Variants in UBA3 observed in about 807,000 individuals in gnomAD.
UBA3 encodes the protein NEDD8-activating enzyme E1 catalytic subunit.
In UBA3, 26 loss-of-function variants were observed where a neutral mutation model predicts 73.5. The ratio of observed to expected loss-of-function variants is 0.35; its 90% CI spans 0.26 to 0.49. The LOEUF is 0.49. Ranked by LOEUF, UBA3 falls within the 20% of genes least tolerant of loss-of-function variation. The pLI is 0.98. For synonymous variants in UBA3, 217 were observed against 191.2 expected (o/e 1.13, Z -1.11); for missense variants, 495 against 555.6 (o/e 0.89, Z 1.10).
chr3:69,061,690 A>T (rs144039938), intron 11 of UBA3, 124 bp downstream of exon 11: 3 of 576,226 alleles, frequency 5.2e-6, no homozygotes, highest in African/African-American at 1.9e-5. Context: ...TATGAATTAC[A>T]TGGTACCTTT....
chr3:69,073,436 T>C (rs78084632), intron 4 of UBA3, among the ~76,000 whole-genome samples: 2,801 of 152,278 alleles, frequency 0.018, 27 homozygotes, highest in Non-Finnish European at 0.028. Flanking sequence ...TTGTACTCAA[T>C]AGCACCTTTT....
Position 69,077,811 on chromosome 3 carries a change from T to G in UBA3, c.170A>C (p.Glu57Ala). ...RSGPFTHPDF[E>A]PSTESLQFLL... ...AACGTTTCTCACTTCAGTGCTCGGT[T>G]CGAAATCAGGGTGTGTGAAGGGTCC... is the stretch of plus-strand genomic sequence containing the variant. Residue 57 changes from glutamate (E) to alanine (A), a missense_variant, in exon 3 of 18, where the codon GAA becomes GCA. Glu to Ala is a moderately radical substitution (Grantham distance 107, BLOSUM62 -1). Transcript: ENST00000361055. The G allele has an allele frequency of 6.2e-7, 1 of 1,613,302 alleles. No homozygotes were observed. The highest frequency in any genetic ancestry group is 8.5e-7 in the Non-Finnish European group (1 of 1,179,556).
chr3:69,070,083 A>G (rs1327239840), intron 5 of UBA3, among the ~76,000 whole-genome samples: 1 of 152,206 alleles, frequency 6.6e-6, no homozygotes, highest in Non-Finnish European at 1.5e-5. Flanking sequence ...AGTACTTGCT[A>G]CATATCGTTA....
At chr3:69,074,745 GA>G (rs1300834787) in intron 4 of UBA3, among the ~76,000 whole-genome samples, 1 of 152,100 alleles carries the variant, frequency 6.6e-6, no homozygotes, top group African/African-American at 2.4e-5. Context: ...TTTGTGATTA[GA>G]AAAAGTCAAG....
intron 5 of UBA3, among the ~76,000 whole-genome samples, chr3:69,069,896 G>C (rs1411498878): frequency 6.6e-6 from 1 of 152,122 alleles, no homozygotes; most frequent in Non-Finnish European, 1.5e-5. Flanking sequence ...ATGGTTTCTG[G>C]GAACTGTTTG....
chr3:69,058,811 A>G (rs1384599100), intron 11 of UBA3, among the ~76,000 whole-genome samples: 1 of 152,228 alleles, frequency 6.6e-6, no homozygotes, highest in Non-Finnish European at 1.5e-5. Context: ...GGGAAAAATC[A>G]TAGAATAGAT....
At chr3:69,063,639 G>C in intron 7 of UBA3, 136 bp from the exon 8 acceptor site, 1 of 736,524 alleles carries the variant, frequency 1.4e-6, no homozygotes, top group Non-Finnish European at 2.1e-6. Context: ...GTGTTTGTGG[G>C]AACAGGAAGC....
intron 6 of UBA3, among the ~76,000 whole-genome samples, chr3:69,066,783 T>G (rs954409325): frequency 6.6e-6 from 1 of 152,186 alleles, no homozygotes; most frequent in African/African-American, 2.4e-5. Context: ...TAATTTTGTA[T>G]GTTTAGGTCA....
rs866832294 is a variant in UBA3, at chr3:69,063,624, G to A, written c.473-121C>T. On this transcript the variant is annotated intron_variant, in intron 7 of 17. Coordinates refer to ENST00000361055, the MANE Select transcript of UBA3 (RefSeq NM_003968.4). ...CTGGTGCAAGATGTTGATTAGGAAG[G>A]TAGTGTGTTTGTGGGAACAGGAAGC... The A allele has an allele frequency of 4.6e-5, 38 of 831,812 alleles. No homozygotes were observed. The African/African-American group carries it at 6.5e-4, about 14-fold the overall frequency. 51.5% of individuals were successfully genotyped at this position (831,812 alleles called of 1,614,324 possible). A position where few individuals can be genotyped will look rare whatever the true frequency, so the allele number is the denominator to read the frequency against.
Position 69,062,969 on chromosome 3 carries a change from C to T in UBA3, c.693+13G>A, listed in dbSNP as rs1030072949. On this transcript the variant is annotated intron_variant, in intron 9 of 17. Coordinates refer to ENST00000361055, the MANE Select transcript of UBA3 (RefSeq NM_003968.4). ...AGATACTATAAAAGAAATGCAGGTGCTTTTTTGATTACCTGTGGTGGATAA... is the reference window on the plus strand; with the variant it reads ...AGATACTATAAAAGAAATGCAGGTGTTTTTTTGATTACCTGTGGTGGATAA... The T allele has an allele frequency of 5.0e-6, 8 of 1,612,632 alleles. No individual in the cohort carries two copies. The highest frequency in any genetic ancestry group is 2.2e-5 in the East Asian group (1 of 44,844).
chr3:69,079,756 CTG>C (rs2092201553), intron 2 of UBA3: 5 of 293,826 alleles, frequency 1.7e-5, no homozygotes, highest in Non-Finnish European at 6.3e-6. Context: ...TGTCCTTTTC[CTG>C]TGTGTTTAAG....
intron 5 of UBA3, among the ~76,000 whole-genome samples, chr3:69,070,660 T>C (rs2092114010): frequency 6.6e-6 from 1 of 152,292 alleles, no homozygotes; most frequent in South Asian, 2.1e-4. Context: ...GGTTGTTTTG[T>C]TTTTGTTTTT....
Position 69,062,200 on chromosome 3 carries a change from T to TTTCAGTGAA in UBA3, c.694-30_694-22dup, listed in dbSNP as rs759768130. 1.8e-5 allele frequency: 27 copies of TTTCAGTGAA among 1,474,258 alleles called. No homozygotes were observed. In the South Asian group the frequency reaches 3.0e-4, roughly 17 times the overall value. 91.3% of individuals were successfully genotyped at this position (1,474,258 alleles called of 1,614,324 possible). ...TTAACCTAAAACCACAGTTTGTCCTTTTCAGTGAATTTTAAACGAATTATT... is the reference window on the plus strand; with the variant it reads ...TTAACCTAAAACCACAGTTTGTCCTTTTCAGTGAATTCAGTGAATTTTAAACGAATTATT... On this transcript the variant is annotated intron_variant, in intron 9 of 17. Transcript: ENST00000361055.
chr3:69,080,002 C>G (rs2092204860), intron 2 of UBA3, 110 bp downstream of exon 2: 1 of 1,035,344 alleles, frequency 9.7e-7, no homozygotes, highest in Admixed American at 2.6e-5. Flanking sequence ...GCCTGCGCTC[C>G]GGGTGTCCCC....
At chr3:69,069,365 T>TCACC (rs915427652) in intron 5 of UBA3, among the ~76,000 whole-genome samples, 3 of 152,188 alleles carry the variant, frequency 2.0e-5, no homozygotes, top group African/African-American at 7.2e-5. Flanking sequence ...TCTCGCTCTG[T>TCACC]CACCCACGCT....
At chr3:69,064,031 G>GA (rs1404015926) in intron 7 of UBA3, 37 bp downstream of exon 7, 1 of 1,553,572 alleles carries the variant, frequency 6.4e-7, no homozygotes, top group Admixed American at 2.0e-5. Context: ...AAAATTCTAA[G>GA]AATCTAGTGA....
At chr3:69,071,839 A>G (rs1306227989) in intron 4 of UBA3, among the ~76,000 whole-genome samples, 1 of 152,228 alleles carries the variant, frequency 6.6e-6, no homozygotes, top group East Asian at 1.9e-4. Context: ...TAACCAAAAG[A>G]GAACAACTCA....
chr3:69,066,654 A>T (rs1423679080), intron 6 of UBA3, among the ~76,000 whole-genome samples: 1 of 151,060 alleles, frequency 6.6e-6, no homozygotes, highest in African/African-American at 2.4e-5. Flanking sequence ...CTGGTCTCGA[A>T]CTCCTGACCT....
chr3:69,074,843 C>T (rs1161310335), intron 4 of UBA3, among the ~76,000 whole-genome samples: 1 of 152,144 alleles, frequency 6.6e-6, no homozygotes, highest in East Asian at 1.9e-4. Context: ...CTTTCCCAAA[C>T]CTTAGGTGTC....
Sources: gnomAD v4.1 joint callset for allele counts (sites outside exome capture counted in the v4.1 genomes callset) on GRCh38, gnomAD v4.1.1 for gene constraint, MANE v1.5 for transcripts, NCBI Gene and HGNC (gene_info 2026-07-23, HGNC 2026-07-21) for gene names.